Variants in AKR1C3 observed in about 807,000 individuals in gnomAD.
The protein encoded by AKR1C3 is 3-alpha hydroxysteroid dehydrogenase, type II.
AKR1C3 carries 48 observed loss-of-function variants against 43.6 expected under a neutral mutation model. The ratio of observed to expected loss-of-function variants is 1.10; its 90% CI spans 0.87 to 1.40. The LOEUF is 1.40. Among genes scored for constraint, AKR1C3 ranks in the 40% most tolerant of loss-of-function variants. The pLI, the probability that AKR1C3 is intolerant of heterozygous loss-of-function variation, is 0.00. For synonymous variants in AKR1C3, 162 were observed against 139.6 expected (o/e 1.16, Z -1.13); for missense variants, 482 against 391.2 (o/e 1.23, Z -1.96).
chr10:5,085,792 G>A (rs1336757079), intron 1 of AKR1C3, among the ~76,000 whole-genome samples: 1 of 151,772 alleles, frequency 6.6e-6, no homozygotes, highest in African/African-American at 2.4e-5. Flanking sequence ...CTTCTTCCTG[G>A]TTTAGTCTTG....
intron 4 of AKR1C3, 126 bp downstream of exon 4, chr10:5,099,005 G>C: frequency 6.7e-6 from 6 of 901,364 alleles, no homozygotes; most frequent in Middle Eastern, 2.2e-4. Context: ...TACAAGAGTA[G>C]CTTTGGTGAG....
At chr10:5,061,976 G>A (rs1350571824) in intron 1 of AKR1C3, among the ~76,000 whole-genome samples, 7 of 152,166 alleles carry the variant, frequency 4.6e-5, no homozygotes, top group Admixed American at 4.6e-4. Flanking sequence ...TGGAAACAGT[G>A]TTTGCAAAAT....
At chr10:5,088,295 A>G (rs1554783580) in intron 1 of AKR1C3, among the ~76,000 whole-genome samples, 1 of 152,048 alleles carries the variant, frequency 6.6e-6, no homozygotes, top group East Asian at 1.9e-4. Context: ...TGTATTCTGT[A>G]GTTGTTAGGT....
At chr10:5,105,302 AAT>A (rs1839471635) in intron 7 of AKR1C3, 3 of 9,376 alleles carry the variant, frequency 3.2e-4, no homozygotes, top group South Asian at 6.1e-3. Flanking sequence ...ATGTGGGCAC[AAT>A]GTGACCCTAT....
In AKR1C3 at chr10:5,057,681, C is replaced by T. The variant is rs193087304; in HGVS notation, c.84+8786C>T. Among the ~76,000 whole-genome samples, 864 of 152,222 alleles carry T rather than the reference C, an allele frequency of 5.7e-3. 2 individuals are homozygous for T. The highest frequency in any genetic ancestry group is 7.5e-3 in the African/African-American group (311 of 41,538). ...TAGAACACAGGTCAACAGATGTTTA[C>T]GACTCCAGTCCCCATGATCTGAGTC... On this transcript the variant is annotated intron_variant, in intron 1 of 8. Coordinates refer to the AKR1C3 transcript ENST00000439082.
intron 1 of AKR1C3, among the ~76,000 whole-genome samples, chr10:5,062,631 TTGAG>T (rs1838402352): frequency 1.3e-5 from 2 of 152,154 alleles, no homozygotes; most frequent in Admixed American, 1.3e-4. Context: ...ATAAAGTTGA[TTGAG>T]GTAATTACCA....
chr10:5,104,200 TTAATA>T lies in AKR1C3; in HGVS notation c.847-1393_847-1389del, dbSNP rs147966190. ...CTTATATTGGGAACATGACAATCTT[TTAATA>T]TGTTATCTTGCAAAATTGGTAATTC... On this transcript the variant is annotated intron_variant, in intron 7 of 8. Transcript: ENST00000380554. Among the ~76,000 whole-genome samples, 1,074 of 152,292 alleles carry T rather than the reference TTAATA, an allele frequency of 7.1e-3. 2 individuals are homozygous for T. Among genetic ancestry groups the T allele is most frequent in the Non-Finnish European group, 0.01 (709 of 68,002 alleles).
intron 1 of AKR1C3, among the ~76,000 whole-genome samples, chr10:5,065,675 A>G (rs1170375613): frequency 6.6e-6 from 1 of 152,364 alleles, no homozygotes; most frequent in Middle Eastern, 3.4e-3. Context: ...AGCAGTTTCC[A>G]TTGGTTACTT....
intron 5 of AKR1C3, chr10:5,099,667 G>T (rs1161493826): frequency 2.6e-6 from 2 of 773,442 alleles, no homozygotes; most frequent in Non-Finnish European, 3.9e-6. Flanking sequence ...TGAATCGTGT[G>T]TAATATTTAG....
intron 1 of AKR1C3, among the ~76,000 whole-genome samples, chr10:5,087,913 T>C (rs917623026): frequency 2.0e-5 from 3 of 152,214 alleles, no homozygotes; most frequent in Non-Finnish European, 2.9e-5. Flanking sequence ...TAGAAGTGAC[T>C]TTAGGTGGTG....
intron 1 of AKR1C3, among the ~76,000 whole-genome samples, chr10:5,073,728 G>A (rs1334934390): frequency 2.0e-5 from 3 of 152,160 alleles, no homozygotes; most frequent in Non-Finnish European, 4.4e-5. Flanking sequence ...TGGTATTCCA[G>A]AGTTTCTGCC....
intron 1 of AKR1C3, among the ~76,000 whole-genome samples, chr10:5,086,935 C>T (rs1838979121): frequency 1.3e-5 from 2 of 152,178 alleles, no homozygotes; most frequent in African/African-American, 4.8e-5. Flanking sequence ...CTTGATAGAT[C>T]TTCCTCCATC....
At chr10:5,080,616 G>T (rs1838814242) in intron 1 of AKR1C3, 1 of 148,438 alleles carries the variant, frequency 6.7e-6, no homozygotes, top group South Asian at 2.3e-4. Flanking sequence ...GACAGACTGA[G>T]ACTCCGTCTC....
At chr10:5,100,782 GATA>G (rs1839329924) in intron 5 of AKR1C3, among the ~76,000 whole-genome samples, 1 of 150,908 alleles carries the variant, frequency 6.6e-6, no homozygotes, top group Non-Finnish European at 1.5e-5. Flanking sequence ...TTTTTATTAT[GATA>G]ATTTTCAAAC....
At chr10:5,055,339 A>G (rs1554779444) in intron 1 of AKR1C3, among the ~76,000 whole-genome samples, 1 of 152,244 alleles carries the variant, frequency 6.6e-6, no homozygotes. Flanking sequence ...CCTCTGGGAA[A>G]AAGTGGCAGT....
intron 2 of AKR1C3, 95 bp from the exon 3 acceptor site, chr10:5,097,339 A>G (rs1839229754): frequency 1.4e-6 from 2 of 1,447,238 alleles, no homozygotes; most frequent in Non-Finnish European, 1.9e-6. Context: ...TAAATTTTGA[A>G]GCAGTAGGAA....
In AKR1C3 at chr10:5,102,631, G is replaced by T. The variant is rs372037908; in HGVS notation, c.827G>T (p.Arg276Leu). Residue 276 changes from arginine to leucine, a missense_variant, in exon 7 of 9, where the codon CGC (arginine) becomes CTC (leucine). Coordinates refer to ENST00000380554, the MANE Select transcript of AKR1C3 (RefSeq NM_003739.6). Reference sequence around the variant, plus strand: ...CTGGCCAAGAGCTACAATGAGCAGCGCATCAGACAGAACGTGCAGGTGAGG... The same window carrying T: ...CTGGCCAAGAGCTACAATGAGCAGCTCATCAGACAGAACGTGCAGGTGAGG... ...VVLAKSYNEQ[R>L]IRQNVQVFEF... is the part of the protein sequence containing the mutation. 6.7e-6 allele frequency: 10 copies of T among 1,481,834 alleles called. No individual in the cohort carries two copies. In the East Asian group the frequency reaches 1.4e-4, roughly 21 times the overall value. 91.8% of individuals were successfully genotyped at this position (1,481,834 alleles called of 1,614,324 possible).
At chr10:5,091,406 C>T (rs189869522), upstream of AKR1C3, among the ~76,000 whole-genome samples, 11 of 152,248 alleles carry the variant, frequency 7.2e-5, no homozygotes, top group Admixed American at 5.9e-4. Flanking sequence ...CAGGCCTAAA[C>T]ATGTATTTTT....
intron 1 of AKR1C3, among the ~76,000 whole-genome samples, chr10:5,064,815 A>G (rs1838461692): frequency 6.6e-6 from 1 of 152,138 alleles, no homozygotes. Flanking sequence ...TGTAAATCAA[A>G]ACCACAATGA....
Sources: gnomAD v4.1 joint callset for allele counts (sites outside exome capture counted in the v4.1 genomes callset) on GRCh38, gnomAD v4.1.1 for gene constraint, MANE v1.5 for transcripts, NCBI Gene and HGNC (gene_info 2026-07-23, HGNC 2026-07-21) for gene names.